The following BTBD9 variants were observed in gnomAD, a reference collection of about 807,000 sequenced individuals.
BTBD9 encodes the protein BTB domain containing 9, also known as BTB/POZ domain-containing protein 9.
In BTBD9, 49 loss-of-function variants were observed where a neutral mutation model predicts 64.3. That is an observed-to-expected ratio of 0.76 (90% CI 0.61 to 0.97). The LOEUF is 0.97. BTBD9 is among the 50% of genes least tolerant of loss of function. The pLI is 0.00. For missense variants in BTBD9, 598 were observed against 762.1 expected (o/e 0.78, Z 2.53); for synonymous variants, 260 against 274.7 (o/e 0.95, Z 0.53).
intron 8 of BTBD9, among the ~76,000 whole-genome samples, chr6:38,275,804 A>T (rs147764284): frequency 0.7 from 106,803 of 151,494 alleles, 38,347 homozygotes; most frequent in African/African-American, 0.83. Context: ...TGAGATACCA[A>T]CTCACACCAG....
intron 1 of BTBD9, among the ~76,000 whole-genome samples, chr6:38,615,967 C>A (rs566708030): frequency 6.6e-6 from 1 of 152,102 alleles, no homozygotes; most frequent in African/African-American, 2.4e-5. Flanking sequence ...CCATATAATC[C>A]CCTCCCCTTG....
intron 9 of BTBD9, among the ~76,000 whole-genome samples, chr6:38,226,269 GT>G (rs1307739906): frequency 1.3e-5 from 2 of 152,296 alleles, no homozygotes; most frequent in Admixed American, 6.5e-5. Context: ...CGCCTGCACA[GT>G]TCAAAGCATG....
intron 6 of BTBD9, among the ~76,000 whole-genome samples, chr6:38,352,819 C>A (rs764965887): frequency 3.3e-5 from 5 of 152,220 alleles, no homozygotes; most frequent in Non-Finnish European, 7.3e-5. Context: ...ACCCGCTCTT[C>A]CCAACTCATG....
At position 38,302,460 on chromosome 6, in the gene BTBD9, C is replaced by A. The variant is rs540994050; in HGVS notation, c.1265-13999G>T. Among the ~76,000 whole-genome samples the A allele has an allele frequency of 3.8e-4, 52 of 136,068 alleles. 1 individual carries two copies. Among genetic ancestry groups the A allele is most frequent in the African/African-American group, 1.3e-3 (47 of 35,870 alleles). The allele number at this position is 136,068 out of a possible 152,430, so 89.3% of individuals were successfully genotyped here. Reference sequence around the variant, plus strand: ...TGACAGCATTTCATTCTTTTAATGGCTGAATAATATTCCATTGTGTGTATG... The same window carrying A: ...TGACAGCATTTCATTCTTTTAATGGATGAATAATATTCCATTGTGTGTATG... On this transcript the variant is annotated intron_variant, in intron 7 of 10. Coordinates refer to ENST00000481247, the MANE Select transcript of BTBD9 (RefSeq NM_001099272.2).
chr6:38,306,598 T>C (rs1385227500), intron 7 of BTBD9, among the ~76,000 whole-genome samples: 1 of 152,236 alleles, frequency 6.6e-6, no homozygotes, highest in African/African-American at 2.4e-5. Context: ...ATTTTACTGC[T>C]CTCTGTTCTT....
chr6:38,348,024 G>C (rs73422874), intron 6 of BTBD9, among the ~76,000 whole-genome samples: 3,615 of 152,076 alleles, frequency 0.024, 139 homozygotes, highest in African/African-American at 0.083. Context: ...CAAAAAAGGC[G>C]CTGTCCAGCA....
intron 7 of BTBD9, among the ~76,000 whole-genome samples, chr6:38,303,239 C>G (rs1267099152): frequency 3.9e-5 from 6 of 152,040 alleles, no homozygotes; most frequent in Non-Finnish European, 8.8e-5. Flanking sequence ...AAGCATTTCC[C>G]CCATGTTTTC....
intron 9 of BTBD9, among the ~76,000 whole-genome samples, chr6:38,251,541 A>C (rs1249728135): frequency 6.6e-6 from 1 of 152,138 alleles, no homozygotes; most frequent in Non-Finnish European, 1.5e-5. Flanking sequence ...CTGGGATTAC[A>C]GGTGTGAGCC....
chr6:38,522,894 G>C (rs959582371), intron 6 of BTBD9, among the ~76,000 whole-genome samples: 3 of 152,120 alleles, frequency 2.0e-5, no homozygotes, highest in Non-Finnish European at 4.4e-5. Context: ...CTCAAAAAAA[G>C]AGTCAGGGCT....
At chr6:38,268,026 T>C (rs1389023642) in intron 8 of BTBD9, among the ~76,000 whole-genome samples, 4 of 152,208 alleles carry the variant, frequency 2.6e-5, no homozygotes, top group East Asian at 1.9e-4. Context: ...GAGGCAACTA[T>C]AGATACATCA....
intron 7 of BTBD9, among the ~76,000 whole-genome samples, chr6:38,335,592 G>A (rs1763861555): frequency 6.6e-6 from 1 of 151,520 alleles, no homozygotes. Flanking sequence ...TTGAGAGGGA[G>A]TCTTGCTCTG....
chr6:38,300,890 C>T (rs1345283643), intron 7 of BTBD9, among the ~76,000 whole-genome samples: 1 of 152,188 alleles, frequency 6.6e-6, no homozygotes, highest in Non-Finnish European at 1.5e-5. Flanking sequence ...GAACTTCCAA[C>T]ACTATGTTGA....
intron 7 of BTBD9, among the ~76,000 whole-genome samples, chr6:38,299,256 T>C: frequency 6.6e-6 from 1 of 152,228 alleles, no homozygotes; most frequent in East Asian, 1.9e-4. Flanking sequence ...CAGTCTATCA[T>C]TGTTGGACAT....
chr6:38,466,798 G>A lies in BTBD9; in HGVS notation c.1154+110802C>T, dbSNP rs532166935. Among the ~76,000 whole-genome samples the A allele has an allele frequency of 1.8e-4, 27 of 152,072 alleles. No individual in the cohort carries two copies. In the East Asian group the frequency reaches 5.0e-3, roughly 28 times the overall value. Reference sequence around the variant, plus strand: ...CTGTAATGTTGGCCAGGCTGGTATCGAAGTCCTGACCTCAAGTGATCCACC... The same window carrying A: ...CTGTAATGTTGGCCAGGCTGGTATCAAAGTCCTGACCTCAAGTGATCCACC... On this transcript the variant is annotated intron_variant, in intron 6 of 10. Coordinates refer to ENST00000481247, the MANE Select transcript of BTBD9 (RefSeq NM_001099272.2).
At chr6:38,297,205 T>C (rs1561988387) in intron 7 of BTBD9, among the ~76,000 whole-genome samples, 1 of 151,808 alleles carries the variant, frequency 6.6e-6, no homozygotes, top group Non-Finnish European at 1.5e-5. Flanking sequence ...GTCTCTACTA[T>C]AAATACAAAA....
intron 9 of BTBD9, among the ~76,000 whole-genome samples, chr6:38,247,530 A>C (rs1240629048): frequency 6.6e-6 from 1 of 152,222 alleles, no homozygotes; most frequent in Non-Finnish European, 1.5e-5. Flanking sequence ...ACAGGGGAGA[A>C]GCTTCCCAAC....
intron 6 of BTBD9, among the ~76,000 whole-genome samples, chr6:38,363,682 A>T (rs1325206140): frequency 6.6e-6 from 1 of 152,236 alleles, no homozygotes; most frequent in Non-Finnish European, 1.5e-5. Flanking sequence ...TAGAAAGGGA[A>T]GAGATAAAAA....
chr6:38,481,383 T>C (rs1771136217), intron 6 of BTBD9, among the ~76,000 whole-genome samples: 1 of 152,282 alleles, frequency 6.6e-6, no homozygotes, highest in East Asian at 1.9e-4. Flanking sequence ...TGATACTTGG[T>C]GAGATGTTAG....
chr6:38,477,606 T>C (rs185471282), intron 6 of BTBD9, among the ~76,000 whole-genome samples: 130 of 152,390 alleles, frequency 8.5e-4, no homozygotes, highest in African/African-American at 2.8e-3. Context: ...CACATTTTAC[T>C]GAGCTAACGA....
Sources: gnomAD v4.1 joint callset for allele counts (sites outside exome capture counted in the v4.1 genomes callset) on GRCh38, gnomAD v4.1.1 for gene constraint, MANE v1.5 for transcripts, NCBI Gene and HGNC (gene_info 2026-07-23, HGNC 2026-07-21) for gene names.